CNGB1: variants seen among roughly 807,000 people sequenced by gnomAD.
CNGB1 encodes the protein cyclic nucleotide gated channel subunit beta 1, also known as cyclic nucleotide-gated channel beta-1.
CNGB1 carries 126 observed loss-of-function variants against 151.7 expected under a neutral mutation model. That is an observed-to-expected ratio of 0.83 (90% CI 0.72 to 0.96). CNGB1 has a LOEUF of 0.96. Ranked by LOEUF, CNGB1 falls within the 40% of genes least tolerant of loss-of-function variation. The pLI, the probability that CNGB1 is intolerant of heterozygous loss-of-function variation, is 0.00. For missense variants in CNGB1, 1,698 were observed against 1,627.0 expected, an observed-to-expected ratio of 1.04 and a Z score of -0.75; for synonymous variants, 623 against 635.1, an observed-to-expected ratio of 0.98 and a Z score of 0.29.
chr16:57,952,211 C>T (rs1209468327), intron 12 of CNGB1, among the ~76,000 whole-genome samples: 2 of 152,202 alleles, frequency 1.3e-5, no homozygotes, highest in Non-Finnish European at 2.9e-5. Flanking sequence ...AGTACTTTCC[C>T]CCTTTTAAAG....
rs548892307 is a variant in CNGB1 at position 57,938,797 on chromosome 16, C to T, written c.1372+633G>A. 2.0e-5 allele frequency among the ~76,000 whole-genome samples: 3 copies of T among 152,282 alleles called. No homozygotes were observed. In the East Asian group the frequency reaches 5.8e-4, roughly 29 times the overall value. On this transcript the variant is annotated intron_variant, in intron 16 of 32. Transcript: ENST00000251102. ...CGGCCAGGGGTTGGGTCCCACCTGTCCCAGCTCCAGGGTCCAGCTGTTGCT... is the reference window on the plus strand; with the variant it reads ...CGGCCAGGGGTTGGGTCCCACCTGTTCCAGCTCCAGGGTCCAGCTGTTGCT...
At chr16:57,936,961 A>G (rs6499924) in intron 16 of CNGB1, 62,613 of 152,158 alleles carry the variant, frequency 0.41, 16,396 homozygotes, top group African/African-American at 0.75. Context: ...GGCAGAGGAA[A>G]AGGAGATGGT....
At chr16:57,942,729 G>A (rs1234346905) in intron 14 of CNGB1, among the ~76,000 whole-genome samples, 1 of 151,986 alleles carries the variant, frequency 6.6e-6, no homozygotes, top group Non-Finnish European at 1.5e-5. Flanking sequence ...TGGGTGTGGT[G>A]GCATGTGCCT....
At chr16:57,969,257 G>A (rs1962481649) in intron 1 of CNGB1, among the ~76,000 whole-genome samples, 1 of 152,212 alleles carries the variant, frequency 6.6e-6, no homozygotes, top group Non-Finnish European at 1.5e-5. Context: ...AGTGAGCCGA[G>A]ATCGTGCCAC....
chr16:57,897,318 A>AAAT, intron 31 of CNGB1, 79 bp downstream of exon 31: 1 of 1,336,946 alleles, frequency 7.5e-7, no homozygotes, highest in Non-Finnish European at 1.0e-6. Context: ...AAAAAAAAAA[A>AAAT]GATAAAGGTA....
At chr16:57,926,107 T>C (rs1961180586) in intron 17 of CNGB1, among the ~76,000 whole-genome samples, 1 of 152,180 alleles carries the variant, frequency 6.6e-6, no homozygotes. Flanking sequence ...TAATCTGCAA[T>C]TCCCAGCAGA....
intron 8 of CNGB1, 59 bp from the exon 9 acceptor site, chr16:57,960,589 A>G (rs1454086761): frequency 5.1e-6 from 8 of 1,576,390 alleles, no homozygotes; most frequent in Non-Finnish European, 5.2e-6. Context: ...CGCTTCCCCA[A>G]CCGCCACTAC....
At chr16:57,935,108 G>T (rs982877393) in intron 16 of CNGB1, among the ~76,000 whole-genome samples, 1 of 151,396 alleles carries the variant, frequency 6.6e-6, no homozygotes, top group Non-Finnish European at 1.5e-5. Context: ...GTCTCGGGTC[G>T]GTGCCACTGT....
At chr16:57,911,146 C>A (rs1960698563) in intron 25 of CNGB1, among the ~76,000 whole-genome samples, 1 of 152,128 alleles carries the variant, frequency 6.6e-6, no homozygotes, top group South Asian at 2.1e-4. Flanking sequence ...AGTAGATGCA[C>A]AAATACAGCG....
intron 16 of CNGB1, among the ~76,000 whole-genome samples, chr16:57,933,931 C>G (rs1411331539): frequency 2.6e-5 from 4 of 152,012 alleles, no homozygotes; most frequent in African/African-American, 9.7e-5. Context: ...CCATGTTGTC[C>G]AGGCTGGTCT....
intron 16 of CNGB1, among the ~76,000 whole-genome samples, chr16:57,932,899 T>A (rs1280225692): frequency 3.3e-5 from 5 of 150,156 alleles, no homozygotes; most frequent in African/African-American, 1.2e-4. Context: ...ACATTCTTTT[T>A]AAAAATTATT....
At chr16:57,929,508 A>T (rs1249269966) in intron 17 of CNGB1, among the ~76,000 whole-genome samples, 1 of 149,390 alleles carries the variant, frequency 6.7e-6, no homozygotes, top group African/African-American at 2.5e-5. Flanking sequence ...TTTTTAATTT[A>T]TAAGGAAAAG....
chr16:57,910,244 T>A (rs775040978), intron 25 of CNGB1, among the ~76,000 whole-genome samples: 11 of 152,184 alleles, frequency 7.2e-5, no homozygotes, highest in Non-Finnish European at 1.6e-4. Context: ...CTCTTTTCTC[T>A]AAAGCCCGCT....
rs746385217 is a variant in CNGB1, at chr16:57,885,580, T to TCTCTCTCTCTCTCTCTCTC, written c.3463-1124_3463-1123insGAGAGAGAGAGAGAGAGAG. On this transcript the variant is annotated intron_variant, in intron 32 of 32. Transcript: ENST00000251102. ...TTCCTCTCTCTCTCTCTCTCTCTCTTTCTTTCTTTCTTTCTTTCTTTCTTT... is the reference window on the plus strand; with the variant it reads ...TTCCTCTCTCTCTCTCTCTCTCTCTTCTCTCTCTCTCTCTCTCTCTCTTTCTTTCTTTCTTTCTTTCTTT... Among the ~76,000 whole-genome samples, 68 of 56,924 alleles carry TCTCTCTCTCTCTCTCTCTC rather than the reference T, an allele frequency of 1.2e-3. 1 individual carries two copies. Among genetic ancestry groups the TCTCTCTCTCTCTCTCTCTC allele is most frequent in the Middle Eastern group, 8.5e-3 (1 of 118 alleles). 37.3% of individuals were successfully genotyped at this position (56,924 alleles called of 152,430 possible).
intron 25 of CNGB1, among the ~76,000 whole-genome samples, chr16:57,906,987 G>A (rs1177165312): frequency 1.3e-5 from 2 of 152,192 alleles, no homozygotes; most frequent in African/African-American, 4.8e-5. Context: ...CTCCACAAAT[G>A]TTCGCTTTGT....
chr16:57,919,015 A>G (rs1960954207), intron 20 of CNGB1, 84 bp downstream of exon 20: 2 of 1,596,862 alleles, frequency 1.3e-6, no homozygotes, highest in South Asian at 1.1e-5. Context: ...CACCTCTTGA[A>G]TCCCCTGACC....
chr16:57,903,984 G>T lies in CNGB1; in HGVS notation c.2635-3C>A. ...GCGGCCCCTACCACATCTCTCATCTGGGGGAAGGGTTATGGGAGGTCAAGG... is the reference window on the plus strand; with the variant it reads ...GCGGCCCCTACCACATCTCTCATCTTGGGGAAGGGTTATGGGAGGTCAAGG... On this transcript the variant is annotated splice_polypyrimidine_tract_variant and splice_region_variant and intron_variant, in intron 26 of 32. Transcript: ENST00000251102. 6.2e-7 allele frequency: 1 copy of T among 1,613,088 alleles called. No homozygotes were observed. Among genetic ancestry groups the T allele is most frequent in the South Asian group, 1.1e-5 (1 of 90,966 alleles).
chr16:57,941,227 G>A (rs1754431001), intron 14 of CNGB1, among the ~76,000 whole-genome samples: 1 of 152,190 alleles, frequency 6.6e-6, no homozygotes, highest in Admixed American at 6.5e-5. Context: ...AGGGACTAAT[G>A]TGATTTTTGT....
At chr16:57,950,239 G>C in intron 13 of CNGB1, 142 bp downstream of exon 13, 1 of 974,680 alleles carries the variant, frequency 1.0e-6, no homozygotes, top group Non-Finnish European at 1.6e-6. Context: ...TTCTACCCAT[G>C]GGAGAAGGAT....
Sources: gnomAD v4.1 joint callset for allele counts (sites outside exome capture counted in the v4.1 genomes callset) on GRCh38, gnomAD v4.1.1 for gene constraint, MANE v1.5 for transcripts, NCBI Gene and HGNC (gene_info 2026-07-23, HGNC 2026-07-21) for gene names.